Variants in NSUN4 observed in about 807,000 individuals in gnomAD.
NSUN4 encodes the protein NOP2/Sun RNA methyltransferase 4.
In NSUN4, 31 loss-of-function variants were observed where a neutral mutation model predicts 43.8. The ratio of observed to expected loss-of-function variants is 0.71; its 90% CI spans 0.53 to 0.96. The LOEUF is 0.96. NSUN4 is among the 40% of genes least tolerant of loss of function. The pLI, the probability that NSUN4 is intolerant of heterozygous loss-of-function variation, is 0.00. For missense variants in NSUN4, 439 were observed against 475.6 expected, an observed-to-expected ratio of 0.92 and a Z score of 0.72; for synonymous variants, 167 against 184.1, an observed-to-expected ratio of 0.91 and a Z score of 0.75.
At chr1:46,359,589 C>T (rs55999016) in intron 4 of NSUN4, among the ~76,000 whole-genome samples, 32,382 of 133,672 alleles carry the variant, frequency 0.24, 4,118 homozygotes, top group Middle Eastern at 0.33. Context: ...CTTGCTCTGG[C>T]GCCCAGGCTG....
chr1:46,361,717 T>G lies in NSUN4; in HGVS notation c.1026T>G (p.Thr342=). The change falls in exon 6 of 6, where the codon ACT becomes ACG. Residue 342 remains threonine (T), a synonymous_variant. Coordinates refer to ENST00000474844, the MANE Select transcript of NSUN4 (RefSeq NM_199044.4). ...YSIQVQVEDL[T]HFRRVFMDTF... ...TCCAGGTACAGGTGGAAGATCTGAC[T>G]CACTTCCGAAGGGTTTTCATGGACA... The G allele has an allele frequency of 6.2e-7, 1 of 1,614,242 alleles. No homozygotes were observed. Among genetic ancestry groups the G allele is most frequent in the South Asian group, 1.1e-5 (1 of 91,088 alleles).
chr1:46,360,446 A>G (rs1182627402), intron 4 of NSUN4, among the ~76,000 whole-genome samples: 1 of 151,000 alleles, frequency 6.6e-6, no homozygotes, highest in Non-Finnish European at 1.5e-5. Context: ...AATTAAAAAA[A>G]AAAAAAATTA....
At chr1:46,352,711 A>G (rs1395727647) in intron 3 of NSUN4, among the ~76,000 whole-genome samples, 157 bp from the exon 4 acceptor site, 2 of 152,226 alleles carry the variant, frequency 1.3e-5, no homozygotes, top group Admixed American at 6.5e-5. Context: ...ACCCCCACTC[A>G]GAATGACTGA....
At chr1:46,356,701 A>AC (rs1212901628) in intron 4 of NSUN4, among the ~76,000 whole-genome samples, 1 of 91,946 alleles carries the variant, frequency 1.1e-5, no homozygotes, top group African/African-American at 3.4e-5. Flanking sequence ...AAAAAAAAAA[A>AC]AGAAGAAGAA....
chr1:46,345,398 T>A, intron 2 of NSUN4: 1 of 438,588 alleles, frequency 2.3e-6, no homozygotes, highest in Non-Finnish European at 4.1e-6. Flanking sequence ...GTTAAGATTC[T>A]TACTTGCTTT....
intron 1 of NSUN4, chr1:46,344,021 A>G (rs1192029241): frequency 2.7e-6 from 1 of 371,974 alleles, no homozygotes; most frequent in Non-Finnish European, 4.8e-6. Flanking sequence ...CAAGATTGCC[A>G]GCTATAGCAA....
intron 4 of NSUN4, among the ~76,000 whole-genome samples, chr1:46,358,850 A>T (rs1663591715): frequency 6.6e-6 from 1 of 152,206 alleles, no homozygotes; most frequent in Non-Finnish European, 1.5e-5. Flanking sequence ...TCCTATATCA[A>T]AACTATTGTT....
chr1:46,355,065 A>G (rs1663272941), intron 4 of NSUN4, among the ~76,000 whole-genome samples: 1 of 152,210 alleles, frequency 6.6e-6, no homozygotes, highest in Non-Finnish European at 1.5e-5. Context: ...CAGGGGTGCT[A>G]CTTACTAACC....
intron 4 of NSUN4, among the ~76,000 whole-genome samples, chr1:46,358,768 T>C (rs922377764): frequency 1.3e-5 from 2 of 152,206 alleles, no homozygotes; most frequent in Admixed American, 6.5e-5. Context: ...TCCTTGCTGT[T>C]TTGTTTTTCT....
intron 5 of NSUN4, 41 bp downstream of exon 5, chr1:46,360,869 T>C (rs1569771126): frequency 6.2e-7 from 1 of 1,609,228 alleles, no homozygotes. Flanking sequence ...TGTGCCAGAG[T>C]GCTCTGGGAG....
At chr1:46,360,252 ATATATAT>A (rs1557744460) in intron 4 of NSUN4, among the ~76,000 whole-genome samples, 4 of 28,348 alleles carry the variant, frequency 1.4e-4, no homozygotes, top group South Asian at 2.0e-3. Flanking sequence ...AAAAAAAAAT[ATATATAT>A]ATATATATAT....
chr1:46,361,720 C>T lies in NSUN4; in HGVS notation c.1029C>T (p.His343=). ...AGGTACAGGTGGAAGATCTGACTCA[C>T]TTCCGAAGGGTTTTCATGGACACAT... ...SIQVQVEDLT[H]FRRVFMDTFC... Residue 343 remains histidine, a synonymous_variant, in exon 6 of 6, where the codon CAC becomes CAT. Coordinates refer to ENST00000474844, the MANE Select transcript of NSUN4 (RefSeq NM_199044.4). The T allele has an allele frequency of 6.2e-7, 1 of 1,614,268 alleles. No individual in the cohort carries two copies. The highest frequency in any genetic ancestry group is 8.5e-7 in the Non-Finnish European group (1 of 1,180,052).
chr1:46,349,736 G>A, intron 3 of NSUN4, among the ~76,000 whole-genome samples: 1 of 152,220 alleles, frequency 6.6e-6, no homozygotes. Context: ...TCCAGAGGGA[G>A]AGAAGAAAAG....
the NSUN4 span, among the ~76,000 whole-genome samples, chr1:46,375,400 A>C: frequency 1.3e-5 from 2 of 148,900 alleles, no homozygotes; most frequent in African/African-American, 2.5e-5. Flanking sequence ...ACGCCATTGC[A>C]CTCCAGCCTG....
chr1:46,361,864 A>C lies in NSUN4; in HGVS notation c.*18A>C. ...TGACATAGTATCACCCAATCCCTGA[A>C]GCAAGAATACAAAGGGTATACTCTG... On this transcript the variant is annotated 3_prime_UTR_variant, in exon 6 of 6. Transcript: ENST00000474844. 6.2e-7 allele frequency: 1 copy of C among 1,607,296 alleles called. No homozygotes were observed. The highest frequency in any genetic ancestry group is 1.7e-5 in the Admixed American group (1 of 59,214).
At chr1:46,342,339 C>G (rs1259501382) in intron 1 of NSUN4, 3 of 399,184 alleles carry the variant, frequency 7.5e-6, no homozygotes, top group African/African-American at 2.1e-5. Flanking sequence ...TGGCTTCCCA[C>G]TCTCTTCTCA....
At chr1:46,345,764 A>C (rs1022929775) in intron 2 of NSUN4, among the ~76,000 whole-genome samples, 1 of 152,240 alleles carries the variant, frequency 6.6e-6, no homozygotes, top group African/African-American at 2.4e-5. Context: ...AAGACTGCAG[A>C]ATCAAATGCT....
chr1:46,360,648 A>G (rs1282025709), intron 4 of NSUN4, 56 bp from the exon 5 acceptor site: 3 of 1,580,730 alleles, frequency 1.9e-6, no homozygotes, highest in Admixed American at 3.5e-5. Context: ...TCTCTGGCCT[A>G]AGGAAGAGAA....
chr1:46,350,956 C>T (rs559920193), intron 3 of NSUN4, among the ~76,000 whole-genome samples: 2 of 152,336 alleles, frequency 1.3e-5, no homozygotes, highest in East Asian at 3.9e-4. Context: ...GCAAAAGAGA[C>T]TCATTTCATC....
Sources: allele counts gnomAD v4.1 joint callset (sites outside exome capture counted in the v4.1 genomes callset), GRCh38; gene constraint gnomAD v4.1.1; transcripts MANE v1.5; gene names NCBI Gene and HGNC (gene_info 2026-07-23, HGNC 2026-07-21).